Variants in DENR observed in about 807,000 individuals in gnomAD.
The protein encoded by DENR is density-regulated protein.
In DENR, 6 loss-of-function variants were observed where a neutral mutation model predicts 30.6. The observed-to-expected ratio is 0.20, with a 90% CI of 0.11 to 0.39. The LOEUF (loss-of-function observed/expected upper bound fraction) is 0.39, where lower values mean the gene tolerates loss of function less well. Among genes scored for constraint, DENR ranks in the 10% least tolerant of loss-of-function variants. The pLI is 1.00. For missense variants in DENR, 141 were observed against 230.9 expected, an observed-to-expected ratio of 0.61 and a Z score of 2.52; for synonymous variants, 78 against 72.1, an observed-to-expected ratio of 1.08 and a Z score of -0.41.
Position 122,753,686 on chromosome 12 carries a change from C to G in DENR, c.-9-7C>G. The G allele has an allele frequency of 6.2e-7, 1 of 1,609,490 alleles. No individual in the cohort carries two copies. The highest frequency in any genetic ancestry group is 1.1e-5 in the South Asian group (1 of 90,930). On this transcript the variant is annotated splice_polypyrimidine_tract_variant and splice_region_variant and intron_variant, in intron 1 of 7. Transcript: ENST00000280557. Reference sequence around the variant, plus strand: ...TAGTGAGGGTGTGTTATTTTCCTTGCTTACAGGTTTGTGAAATGGCTGCTG... The same window carrying G: ...TAGTGAGGGTGTGTTATTTTCCTTGGTTACAGGTTTGTGAAATGGCTGCTG...
intron 4 of DENR, among the ~76,000 whole-genome samples, chr12:122,763,717 A>G (rs958420538): frequency 2.6e-5 from 4 of 152,210 alleles, no homozygotes; most frequent in African/African-American, 9.6e-5. Context: ...AACAAAATTA[A>G]AAAAAGTAAA....
rs868393513 is a variant in DENR, at chr12:122,770,376, T to G, written c.*1298T>G. ...TTCTAAGATTATTTGGAAGCATGTT[T>G]GGTAATGTCAAGTGGAGTACCCCAG... On this transcript the variant is annotated 3_prime_UTR_variant, in exon 8 of 8. Transcript: ENST00000280557. 1 of 372,418 alleles carries G rather than the reference T, an allele frequency of 2.7e-6. No individual in the cohort carries two copies. Among genetic ancestry groups the G allele is most frequent in the Middle Eastern group, 6.9e-4 (1 of 1,450 alleles). The allele number at this position is 372,418 out of a possible 1,614,324, so 23.1% of individuals were successfully genotyped here.
At chr12:122,761,427 A>G (rs917280993) in intron 2 of DENR, among the ~76,000 whole-genome samples, 6 of 151,974 alleles carry the variant, frequency 3.9e-5, no homozygotes, top group African/African-American at 1.4e-4. Flanking sequence ...AAAAAAAAGG[A>G]AAAATATATT....
chr12:122,769,168 A>C lies in DENR; in HGVS notation c.*90A>C. 1 of 1,201,096 alleles carries C rather than the reference A, an allele frequency of 8.3e-7. No individual in the cohort carries two copies. The allele number at this position is 1,201,096 out of a possible 1,614,324, so 74.4% of individuals were successfully genotyped here. A position where few individuals can be genotyped will look rare whatever the true frequency, so the allele number is the denominator to read the frequency against. On this transcript the variant is annotated 3_prime_UTR_variant, in exon 8 of 8. Transcript: ENST00000280557. Reference sequence around the variant, plus strand: ...CCTTTTAAAATATATATATATATACACATATATATGTATATATACACATAT... The same window carrying C: ...CCTTTTAAAATATATATATATATACCCATATATATGTATATATACACATAT...
At chr12:122,763,106 T>TA (rs1878747353) in intron 4 of DENR, 177 bp downstream of exon 4, 1 of 526,846 alleles carries the variant, frequency 1.9e-6, no homozygotes. Flanking sequence ...CTTTCTTACA[T>TA]AAAAAAGTAA....
chr12:122,759,104 A>C (rs961282518), intron 2 of DENR, among the ~76,000 whole-genome samples: 4 of 151,958 alleles, frequency 2.6e-5, no homozygotes, highest in African/African-American at 9.7e-5. Context: ...TCGGCCTCCC[A>C]AAGTGCTGGG....
intron 5 of DENR, among the ~76,000 whole-genome samples, chr12:122,766,717 C>G (rs1878859415): frequency 6.6e-6 from 1 of 152,178 alleles, no homozygotes; most frequent in South Asian, 2.1e-4. Context: ...CTCTTTCTCC[C>G]TTTACTCAGT....
chr12:122,763,237 T>G, intron 4 of DENR: 1 of 81,306 alleles, frequency 1.2e-5, no homozygotes, highest in Non-Finnish European at 2.5e-5. Context: ...CCATCTCTAC[T>G]AAAAATGAAA....
chr12:122,764,215 T>TA (rs1394502113), intron 4 of DENR, among the ~76,000 whole-genome samples: 1 of 152,158 alleles, frequency 6.6e-6, no homozygotes, highest in African/African-American at 2.4e-5. Flanking sequence ...CTTTTGCTCT[T>TA]AGTTAGATGA....
At position 122,762,914 on chromosome 12, in the gene DENR, G is replaced by T; in HGVS notation, c.196G>T (p.Ala66Ser). ...AGAGAAGAATTTTCCAAATGAATTT[G>T]CAAAACTTACTGTAGGTATGAACAT... Reference protein sequence around the residue: ...WLEKNFPNEFAKLTVENSPKQ... With the variant: ...WLEKNFPNEFSKLTVENSPKQ... Residue 66 changes from alanine to serine, a missense_variant, in exon 4 of 8, where the codon GCA (alanine) becomes TCA (serine). By Grantham distance (99) the Ala-to-Ser change is moderately conservative. Coordinates refer to ENST00000280557, the MANE Select transcript of DENR (RefSeq NM_003677.5). 6.5e-7 allele frequency: 1 copy of T among 1,545,694 alleles called. No homozygotes were observed. Among genetic ancestry groups the T allele is most frequent in the Non-Finnish European group, 8.7e-7 (1 of 1,143,928 alleles).
rs1878976122 is a variant in DENR, at chr12:122,769,546, G to T, written c.*468G>T. ...TTTTTTGACAGAGTCTCGCACTGTTGCCTGGGCTGGAATGCAGTGGTGCGA... is the reference window on the plus strand; with the variant it reads ...TTTTTTGACAGAGTCTCGCACTGTTTCCTGGGCTGGAATGCAGTGGTGCGA... On this transcript the variant is annotated 3_prime_UTR_variant, in exon 8 of 8. Transcript: ENST00000280557. 4.4e-6 allele frequency: 4 copies of T among 917,196 alleles called. No individual in the cohort carries two copies. The highest frequency in any genetic ancestry group is 6.0e-5 in the Admixed American group (1 of 16,766). The allele number at this position is 917,196 out of a possible 1,614,324, so 56.8% of individuals were successfully genotyped here.
At chr12:122,763,446 C>A (rs1878761316) in intron 4 of DENR, among the ~76,000 whole-genome samples, 1 of 151,648 alleles carries the variant, frequency 6.6e-6, no homozygotes, top group Non-Finnish European at 1.5e-5. Flanking sequence ...TGGTTCACGC[C>A]TGTAGTCCCA....
At chr12:122,765,202 G>A (rs775300512) in intron 4 of DENR, 102 bp from the exon 5 acceptor site, 8 of 836,312 alleles carry the variant, frequency 9.6e-6, no homozygotes, top group East Asian at 2.7e-5. Context: ...TCAGCTGTTG[G>A]TAAGATGCCT....
chr12:122,763,746 ATATT>A (rs1365582820), intron 4 of DENR, among the ~76,000 whole-genome samples: 1 of 152,188 alleles, frequency 6.6e-6, no homozygotes. Flanking sequence ...GGGCAAATAT[ATATT>A]GATTTTTATT....
rs1879015412 is a variant in DENR at position 122,770,746 on chromosome 12, A to G, written c.*1668A>G. The G allele has an allele frequency of 2.5e-6, 1 of 398,416 alleles. No individual in the cohort carries two copies. Among genetic ancestry groups the G allele is most frequent in the Non-Finnish European group, 4.4e-6 (1 of 226,044 alleles). The allele number at this position is 398,416 out of a possible 1,614,324, so 24.7% of individuals were successfully genotyped here. A position where few individuals can be genotyped will look rare whatever the true frequency, so the allele number is the denominator to read the frequency against. On this transcript the variant is annotated 3_prime_UTR_variant, in exon 8 of 8. Coordinates refer to ENST00000280557, the MANE Select transcript of DENR (RefSeq NM_003677.5). ...ATCGCCATGCAAATTACAATCTTGA[A>G]TGAGTGTTTTTTAAAAATAAAGTAT...
chr12:122,756,384 G>A (rs1294309517), intron 2 of DENR, among the ~76,000 whole-genome samples: 1 of 152,192 alleles, frequency 6.6e-6, no homozygotes, highest in Non-Finnish European at 1.5e-5. Context: ...GGGAGGCGGA[G>A]ATTGCAGTGA....
intron 4 of DENR, 151 bp from the exon 5 acceptor site, chr12:122,765,153 A>C (rs772020893): frequency 4.9e-6 from 3 of 613,018 alleles, no homozygotes; most frequent in Non-Finnish European, 8.6e-6. Flanking sequence ...CTTGAATAGA[A>C]ATCTAGCAGT....
intron 6 of DENR, chr12:122,768,259 G>T (rs1878900557): frequency 6.6e-6 from 1 of 152,588 alleles, no homozygotes; most frequent in South Asian, 2.1e-4. Context: ...AGCACTTTGG[G>T]AGGCTGACAT....
At chr12:122,766,807 A>G (rs907706673) in intron 5 of DENR, among the ~76,000 whole-genome samples, 2 of 151,542 alleles carry the variant, frequency 1.3e-5, no homozygotes, top group African/African-American at 4.9e-5. Flanking sequence ...TTTACTTTCA[A>G]TTTTTTGCCT....
Sources: gnomAD v4.1 joint callset for allele counts (sites outside exome capture counted in the v4.1 genomes callset) on GRCh38, gnomAD v4.1.1 for gene constraint, MANE v1.5 for transcripts, NCBI Gene and HGNC (gene_info 2026-07-23, HGNC 2026-07-21) for gene names.